Variants in MBD5 observed in about 807,000 individuals in gnomAD.
MBD5 encodes methyl-CpG-binding domain protein 5.
A neutral mutation model predicts 117.3 loss-of-function variants in MBD5; 13 were observed. The observed-to-expected ratio is 0.11, with a 90% CI of 0.07 to 0.18. The LOEUF is 0.18. Ranked by LOEUF, MBD5 falls within the 10% of genes least tolerant of loss-of-function variation. The probability of loss-of-function intolerance (pLI) is 1.00; values close to 1 mark genes in which losing one functional copy is unlikely to be tolerated. For synonymous variants in MBD5, 727 were observed against 766.4 expected, an observed-to-expected ratio of 0.95 and a Z score of 0.85; for missense variants, 1,879 against 2,093.8, an observed-to-expected ratio of 0.90 and a Z score of 2.00.
intron 3 of MBD5, among the ~76,000 whole-genome samples, chr2:148,327,020 AG>A (rs1702471469): frequency 1.3e-5 from 2 of 151,646 alleles, no homozygotes; most frequent in African/African-American, 4.9e-5. Flanking sequence ...GAGCTCTTTT[AG>A]GGAAGGCCTG....
At chr2:148,367,440 C>CA (rs1449549958) in intron 4 of MBD5, among the ~76,000 whole-genome samples, 2 of 152,134 alleles carry the variant, frequency 1.3e-5, no homozygotes, top group Non-Finnish European at 2.9e-5. Context: ...GACCAAAACA[C>CA]CAAAAGCAAT....
At chr2:148,463,379 T>C (rs1375042794) in intron 6 of MBD5, among the ~76,000 whole-genome samples, 1 of 152,194 alleles carries the variant, frequency 6.6e-6, no homozygotes, top group African/African-American at 2.4e-5. Flanking sequence ...AAAAAGTTAA[T>C]ATGTAGAAAT....
At chr2:148,423,108 C>T (rs968422671) in intron 4 of MBD5, among the ~76,000 whole-genome samples, 14 of 152,080 alleles carry the variant, frequency 9.2e-5, no homozygotes, top group African/African-American at 3.4e-4. Context: ...TCGAGAAGAG[C>T]AACCCCAAGA....
chr2:148,422,485 C>T (rs749428063), intron 4 of MBD5, among the ~76,000 whole-genome samples: 2 of 152,132 alleles, frequency 1.3e-5, no homozygotes, highest in African/African-American at 2.4e-5. Context: ...GAGAAACCAG[C>T]GCAAAAAGGC....
intron 3 of MBD5, among the ~76,000 whole-genome samples, chr2:148,338,036 C>T (rs1176097641): frequency 6.6e-6 from 1 of 152,168 alleles, no homozygotes; most frequent in Non-Finnish European, 1.5e-5. Flanking sequence ...ACCCTCTTGG[C>T]CAAGCCAAGT....
intron 4 of MBD5, among the ~76,000 whole-genome samples, chr2:148,387,440 T>C (rs1704408277): frequency 6.6e-6 from 1 of 152,134 alleles, no homozygotes; most frequent in Admixed American, 6.5e-5. Flanking sequence ...ATACAGCAAG[T>C]ATCATTCTTC....
intron 3 of MBD5, among the ~76,000 whole-genome samples, chr2:148,320,174 A>G (rs936265581): frequency 3.9e-5 from 6 of 152,122 alleles, no homozygotes; most frequent in African/African-American, 1.4e-4. Context: ...TTTTGCATGT[A>G]TCTTCATCAG....
At chr2:148,165,265 AT>A (rs1159101673) in intron 1 of MBD5, among the ~76,000 whole-genome samples, 9 of 152,086 alleles carry the variant, frequency 5.9e-5, no homozygotes, top group African/African-American at 2.2e-4. Context: ...CAGTGAATAT[AT>A]TTTTCTTCAT....
Position 148,355,720 on chromosome 2 carries a change from T to C in MBD5, c.-557+13384T>C, listed in dbSNP as rs112590633. On this transcript the variant is annotated intron_variant, in intron 4 of 13. Transcript: ENST00000642680. ...GTTTGAAGTCCAGTAGTGTGATGCC[T>C]CCAGCTTTGTTGTTTTTGCTAAGGA... is the stretch of plus-strand genomic sequence containing the variant. Among the ~76,000 whole-genome samples, 730 of 152,334 alleles carry C rather than the reference T, an allele frequency of 4.8e-3. 4 individuals carry two copies. Among genetic ancestry groups the C allele is most frequent in the African/African-American group, 0.017 (706 of 41,584 alleles).
intron 1 of MBD5, chr2:148,024,971 T>G (rs1693856267): frequency 6.6e-6 from 1 of 152,184 alleles, no homozygotes; most frequent in Admixed American, 6.5e-5. Context: ...CCCAGACAAT[T>G]ATCAACTTTC....
chr2:148,405,123 G>T (rs1705037055), intron 4 of MBD5, among the ~76,000 whole-genome samples: 1 of 151,734 alleles, frequency 6.6e-6, no homozygotes, highest in Admixed American at 6.6e-5. Flanking sequence ...CAATAAATAT[G>T]TTTTTGAGTG....
Position 148,490,336 on chromosome 2 carries a change from T to C in MBD5, c.4704T>C (p.His1568=), listed in dbSNP as rs766309038. 3.7e-6 allele frequency: 6 copies of C among 1,614,158 alleles called. No homozygotes were observed. The highest frequency in any genetic ancestry group is 1.1e-5 in the South Asian group (1 of 91,074). Residue 1568 remains histidine, a synonymous_variant, in exon 11 of 14, where the codon CAT becomes CAC. Coordinates refer to ENST00000642680, the MANE Select transcript of MBD5 (RefSeq NM_001378120.1). Reference sequence around the variant, plus strand: ...ATTCTCTGGTCAAAGACTACATCCATTACAATGGAGACTTTAATGCCAAAA... The same window carrying C: ...ATTCTCTGGTCAAAGACTACATCCACTACAATGGAGACTTTAATGCCAAAA... The part of the protein sequence containing the change: ...LENSLVKDYI[H]YNGDFNAKSV...
At chr2:148,040,550 A>G (rs1373677827) in intron 1 of MBD5, among the ~76,000 whole-genome samples, 1 of 152,206 alleles carries the variant, frequency 6.6e-6, no homozygotes, top group East Asian at 1.9e-4. Context: ...AATTCATAAT[A>G]AGGCAAAATA....
At chr2:148,429,994 T>A (rs1705934370) in intron 4 of MBD5, among the ~76,000 whole-genome samples, 1 of 152,146 alleles carries the variant, frequency 6.6e-6, no homozygotes, top group Admixed American at 6.6e-5. Flanking sequence ...TAAAAAATAC[T>A]GCCTGTATAT....
At chr2:148,028,689 A>G (rs1351691956) in intron 1 of MBD5, 2 of 152,102 alleles carry the variant, frequency 1.3e-5, no homozygotes, top group Non-Finnish European at 2.9e-5. Flanking sequence ...ATTTTTAAAT[A>G]GCTTTGTTAC....
chr2:148,322,279 G>A (rs563718546), intron 3 of MBD5, among the ~76,000 whole-genome samples: 24 of 152,140 alleles, frequency 1.6e-4, no homozygotes, highest in Non-Finnish European at 2.6e-4. Context: ...CATTTATAAC[G>A]TTCAAGTCTA....
At chr2:148,446,914 C>G (rs1415390355) in intron 4 of MBD5, among the ~76,000 whole-genome samples, 1 of 151,876 alleles carries the variant, frequency 6.6e-6, no homozygotes, top group Admixed American at 6.6e-5. Flanking sequence ...AGAAAACAAT[C>G]TTTTTAATCC....
chr2:148,207,549 C>T (rs1306169116), intron 2 of MBD5, among the ~76,000 whole-genome samples: 3 of 151,514 alleles, frequency 2.0e-5, no homozygotes, highest in Non-Finnish European at 2.9e-5. Context: ...ACAGATCATT[C>T]GAGGGTGGGA....
At chr2:148,317,146 C>T (rs1702174339) in intron 3 of MBD5, among the ~76,000 whole-genome samples, 1 of 152,060 alleles carries the variant, frequency 6.6e-6, no homozygotes, top group Non-Finnish European at 1.5e-5. Flanking sequence ...GTCGGGAGTT[C>T]AAGACCAGCC....
Sources: allele counts gnomAD v4.1 joint callset (sites outside exome capture counted in the v4.1 genomes callset), GRCh38; gene constraint gnomAD v4.1.1; transcripts MANE v1.5; gene names NCBI Gene and HGNC (gene_info 2026-07-23, HGNC 2026-07-21).